The following TENM2 variants were observed in gnomAD, a reference collection of about 807,000 sequenced individuals.
TENM2 encodes teneurin-2.
In TENM2, 52 loss-of-function variants were observed where a neutral mutation model predicts 245.2. The observed-to-expected ratio is 0.21, with a 90% CI of 0.17 to 0.27. TENM2 has a LOEUF of 0.27. Ranked by LOEUF, TENM2 falls within the 10% of genes least tolerant of loss-of-function variation. The probability of loss-of-function intolerance (pLI) is 1.00; values close to 1 mark genes in which losing one functional copy is unlikely to be tolerated. For synonymous variants in TENM2, 1,363 were observed against 1,438.9 expected (o/e 0.95, Z 1.19); for missense variants, 3,046 against 3,666.8 (o/e 0.83, Z 4.37).
intron 2 of TENM2, among the ~76,000 whole-genome samples, chr5:167,736,398 A>G (rs1346032349): frequency 4.6e-5 from 7 of 152,136 alleles, no homozygotes; most frequent in Admixed American, 4.6e-4. Flanking sequence ...TCTATCTAGA[A>G]TTTCTGCTTC....
At chr5:167,231,044 C>T in the TENM2 span, among the ~76,000 whole-genome samples, 31,434 of 152,050 alleles carry the variant, frequency 0.21, 3,784 homozygotes, top group African/African-American at 0.33. Context: ...TCCTGCTGCC[C>T]ATGAAGAGGT....
chr5:167,066,009 G>T, the TENM2 span, among the ~76,000 whole-genome samples: 3 of 152,110 alleles, frequency 2.0e-5, no homozygotes, highest in African/African-American at 7.2e-5. Context: ...CCATTAAGTG[G>T]TCCACTCACT....
chr5:167,364,139 G>A (rs1237865997), intron 1 of TENM2, among the ~76,000 whole-genome samples: 1 of 151,082 alleles, frequency 6.6e-6, no homozygotes, highest in Non-Finnish European at 1.5e-5. Context: ...ATAGAGTATG[G>A]AAGTGAATAA....
intron 27 of TENM2, among the ~76,000 whole-genome samples, chr5:168,248,985 G>A (rs1216763855): frequency 6.6e-6 from 1 of 152,062 alleles, no homozygotes; most frequent in East Asian, 1.9e-4. Context: ...CAGGTGTGGT[G>A]GTACATGCCT....
intron 2 of TENM2, among the ~76,000 whole-genome samples, chr5:167,857,602 T>A (rs1367408723): frequency 1.3e-5 from 2 of 152,200 alleles, no homozygotes; most frequent in Non-Finnish European, 2.9e-5. Context: ...TATTTGTTCA[T>A]GGAACCCTTG....
At chr5:167,059,790 G>T in the TENM2 span, among the ~76,000 whole-genome samples, 1 of 148,196 alleles carries the variant, frequency 6.7e-6, no homozygotes, top group African/African-American at 2.5e-5. Context: ...TGCAACCTCC[G>T]CCTCCCAGGT....
chr5:167,713,482 C>T (rs1309803584), intron 2 of TENM2, among the ~76,000 whole-genome samples: 2 of 151,972 alleles, frequency 1.3e-5, no homozygotes, highest in East Asian at 3.9e-4. Context: ...TACATACATA[C>T]AATGCACACA....
At chr5:167,846,451 G>A (rs1268776768) in intron 2 of TENM2, among the ~76,000 whole-genome samples, 1 of 152,168 alleles carries the variant, frequency 6.6e-6, no homozygotes, top group Non-Finnish European at 1.5e-5. Context: ...GAGAAGGCAA[G>A]AGAAGCTCTG....
intron 4 of TENM2, among the ~76,000 whole-genome samples, chr5:167,962,301 A>G (rs991372416): frequency 1.3e-5 from 2 of 152,208 alleles, no homozygotes; most frequent in South Asian, 4.1e-4. Context: ...AAGGAAAAAA[A>G]AAAAAATGAG....
intron 2 of TENM2, among the ~76,000 whole-genome samples, chr5:167,655,366 C>G (rs1754773167): frequency 6.6e-6 from 1 of 152,108 alleles, no homozygotes; most frequent in South Asian, 2.1e-4. Flanking sequence ...AGACCAAATC[C>G]TAGGACAATA....
At chr5:167,133,125 G>T in the TENM2 span, among the ~76,000 whole-genome samples, 1 of 152,160 alleles carries the variant, frequency 6.6e-6, no homozygotes, top group South Asian at 2.1e-4. Flanking sequence ...GAGCAGTAAA[G>T]GGGGAAGAAG....
intron 2 of TENM2, among the ~76,000 whole-genome samples, chr5:167,577,090 A>G (rs997949217): frequency 6.6e-6 from 1 of 152,194 alleles, no homozygotes; most frequent in African/African-American, 2.4e-5. Context: ...TCACTGTGAT[A>G]AAATGACAAA....
At chr5:167,638,174 C>G (rs1779338880) in intron 2 of TENM2, among the ~76,000 whole-genome samples, 1 of 151,236 alleles carries the variant, frequency 6.6e-6, no homozygotes, top group South Asian at 2.1e-4. Flanking sequence ...AGTGCACATG[C>G]ATTCATTCAC....
intron 2 of TENM2, among the ~76,000 whole-genome samples, chr5:167,503,936 T>C (rs184169299): frequency 6.6e-6 from 1 of 152,210 alleles, no homozygotes; most frequent in Admixed American, 6.6e-5. Context: ...GCCAGATGTA[T>C]CTGATGTTTG....
chr5:167,935,644 T>C (rs1168925112), intron 3 of TENM2, among the ~76,000 whole-genome samples: 1 of 151,998 alleles, frequency 6.6e-6, no homozygotes, highest in Non-Finnish European at 1.5e-5. Context: ...AGAAGTTGGT[T>C]CCACCTGCAG....
At chr5:167,722,577 C>A (rs997228297) in intron 2 of TENM2, among the ~76,000 whole-genome samples, 4 of 152,008 alleles carry the variant, frequency 2.6e-5, no homozygotes, top group Non-Finnish European at 4.4e-5. Context: ...AGATCGAGAC[C>A]ATCCTGGCCA....
chr5:167,187,465 C>T, the TENM2 span, among the ~76,000 whole-genome samples: 5 of 152,294 alleles, frequency 3.3e-5, no homozygotes. Context: ...TGCATCTTAG[C>T]TTTACATGAC....
chr5:167,306,797 C>G (rs1755704741), intron 1 of TENM2, among the ~76,000 whole-genome samples: 1 of 152,316 alleles, frequency 6.6e-6, no homozygotes, highest in Admixed American at 6.5e-5. Context: ...TTCTCTAACA[C>G]AGATACAGAA....
chr5:168,157,765 T>G (rs1416479137), intron 12 of TENM2, among the ~76,000 whole-genome samples: 1 of 152,070 alleles, frequency 6.6e-6, no homozygotes, highest in African/African-American at 2.4e-5. Context: ...GTCAGAATTC[T>G]TTTGAGTTTG....
Sources: allele counts gnomAD v4.1 joint callset (sites outside exome capture counted in the v4.1 genomes callset), GRCh38; gene constraint gnomAD v4.1.1; transcripts MANE v1.5; gene names NCBI Gene and HGNC (gene_info 2026-07-23, HGNC 2026-07-21).